TATDN1: variants seen among roughly 807,000 people sequenced by gnomAD.
TATDN1 encodes the protein deoxyribonuclease TATDN1.
A neutral mutation model predicts 46.4 loss-of-function variants in TATDN1; 40 were observed. The observed-to-expected ratio is 0.86, with a 90% confidence interval of 0.67 to 1.12. The LOEUF is 1.12. TATDN1 is among the 50% of genes most tolerant of loss of function. The probability of loss-of-function intolerance (pLI) is 0.00; values close to 1 mark genes in which losing one functional copy is unlikely to be tolerated. For missense variants in TATDN1, 326 were observed against 348.4 expected, an observed-to-expected ratio of 0.94 and a Z score of 0.51; for synonymous variants, 95 against 105.6, an observed-to-expected ratio of 0.90 and a Z score of 0.62.
At position 124,493,858 on chromosome 8, in the gene TATDN1, C is replaced by T; in HGVS notation, c.766G>A (p.Asp256Asn). 1 of 1,610,472 alleles carries T rather than the reference C, an allele frequency of 6.2e-7. No individual in the cohort carries two copies. The highest frequency in any genetic ancestry group is 2.2e-5 in the East Asian group (1 of 44,782). The change falls in exon 11 of 12, where the codon GAC becomes AAC. Residue 256 changes from aspartate to asparagine, a missense_variant. Asp to Asn is a conservative substitution (Grantham distance 23). Transcript: ENST00000276692. ...ATTATATGGCAGGGTTCATTTCTGT[C>T]TTTTAAGCAGTGCCCACTTTCCCAC... Reference protein sequence around the residue: ...KKWESGHCLKDRNEPCHIIQI... With the variant: ...KKWESGHCLKNRNEPCHIIQI...
chr8:124,504,419 C>A, intron 8 of TATDN1, 72 bp from the exon 9 acceptor site: 1 of 1,062,970 alleles, frequency 9.4e-7, no homozygotes. Flanking sequence ...ATTAATAAGA[C>A]TTTGTAGGCA....
chr8:124,535,667 T>C (rs955769006), intron 1 of TATDN1, among the ~76,000 whole-genome samples: 5 of 152,342 alleles, frequency 3.3e-5, no homozygotes, highest in Admixed American at 2.0e-4. Flanking sequence ...GGTGGTGTTA[T>C]GTGTGATTTG....
intron 8 of TATDN1, among the ~76,000 whole-genome samples, chr8:124,506,352 AAAAAG>A (rs1818427843): frequency 6.7e-6 from 1 of 148,694 alleles, no homozygotes; most frequent in African/African-American, 2.6e-5. Context: ...AAAAAAAAAA[AAAAAG>A]AAAAAGAAAA....
intron 9 of TATDN1, 133 bp from the exon 10 acceptor site, chr8:124,495,675 A>G: frequency 1.5e-6 from 1 of 652,672 alleles, no homozygotes; most frequent in Middle Eastern, 3.4e-4. Context: ...TACTTTGGAA[A>G]GTATTTGCAC....
intron 6 of TATDN1, among the ~76,000 whole-genome samples, chr8:124,513,801 T>C (rs1406788224): frequency 1.3e-5 from 2 of 152,216 alleles, no homozygotes; most frequent in African/African-American, 2.4e-5. Context: ...TCTATTAGAC[T>C]TACAAGGCTT....
intron 1 of TATDN1, 90 bp downstream of exon 1, chr8:124,538,935 G>A: frequency 1.3e-6 from 2 of 1,522,336 alleles, no homozygotes; most frequent in Non-Finnish European, 1.8e-6. Context: ...TACAATGCCG[G>A]AGGGCGCAAT....
intron 1 of TATDN1, among the ~76,000 whole-genome samples, chr8:124,530,778 C>T (rs1306287485): frequency 6.6e-6 from 1 of 152,126 alleles, no homozygotes; most frequent in Non-Finnish European, 1.5e-5. Flanking sequence ...TAGATAGAGG[C>T]AAATTATTAA....
chr8:124,493,336 CTGTT>C (rs1302500595), intron 11 of TATDN1, among the ~76,000 whole-genome samples: 1 of 152,178 alleles, frequency 6.6e-6, no homozygotes, highest in Non-Finnish European at 1.5e-5. Flanking sequence ...CCACCTTCTC[CTGTT>C]TGTTACCTTT....
chr8:124,518,701 C>G, intron 4 of TATDN1, 117 bp downstream of exon 4: 2 of 721,296 alleles, frequency 2.8e-6, no homozygotes, highest in South Asian at 3.4e-5. Flanking sequence ...TAAATCAGTC[C>G]ATTTTCCTAT....
At chr8:124,533,391 C>A (rs917195375) in intron 1 of TATDN1, among the ~76,000 whole-genome samples, 1 of 151,998 alleles carries the variant, frequency 6.6e-6, no homozygotes, top group African/African-American at 2.4e-5. Flanking sequence ...GTGCAAAGGG[C>A]CTAAATTGAA....
chr8:124,496,038 G>A (rs975551861), intron 9 of TATDN1, among the ~76,000 whole-genome samples: 18 of 152,194 alleles, frequency 1.2e-4, no homozygotes, highest in African/African-American at 3.9e-4. Context: ...GCCTGTGGCA[G>A]CCTCTATCAG....
Position 124,504,348 on chromosome 8 carries a change from C to T in TATDN1, c.517-1G>A. ...CCTTGGTACCATCAAATGAATGCAC[C>T]TGGGGACATACAGGTATAAGTTTAT... On this transcript the variant is annotated splice_acceptor_variant, in intron 8 of 11. Coordinates refer to ENST00000276692, the MANE Select transcript of TATDN1 (RefSeq NM_032026.4). LOFTEE classifies it high-confidence loss of function. The T allele has an allele frequency of 1.9e-6, 3 of 1,589,284 alleles. No homozygotes were observed. Among genetic ancestry groups the T allele is most frequent in the Non-Finnish European group, 2.6e-6 (3 of 1,167,978 alleles).
intron 6 of TATDN1, among the ~76,000 whole-genome samples, chr8:124,511,560 G>T (rs1007214008): frequency 1.3e-5 from 2 of 152,122 alleles, no homozygotes; most frequent in African/African-American, 4.8e-5. Flanking sequence ...GTAGCATAAG[G>T]CCAGGAAATT....
chr8:124,508,481 C>T lies in TATDN1; in HGVS notation c.509G>A (p.Gly170Glu), dbSNP rs1476267324. ...TGACTATTTTATACTTACCACTCCC[C>T]CTACACACCGATCTCTATTTCTTTT... ...IMKRNRDRCVGGVVHSFDGTK... is the reference protein window; with the variant it reads ...IMKRNRDRCVEGVVHSFDGTK... Residue 170 changes from glycine (G) to glutamate (E), a missense_variant, in exon 8 of 12, where the codon GGG becomes GAG. Transcript: ENST00000276692. 3 of 1,612,858 alleles carry T rather than the reference C, an allele frequency of 1.9e-6. No individual in the cohort carries two copies. Among genetic ancestry groups the T allele is most frequent in the African/African-American group, 1.3e-5 (1 of 74,858 alleles).
intron 1 of TATDN1, among the ~76,000 whole-genome samples, chr8:124,533,409 CAT>C (rs1170311318): frequency 2.0e-5 from 3 of 152,094 alleles, no homozygotes; most frequent in Non-Finnish European, 2.9e-5. Context: ...GAATGAGAAA[CAT>C]ATACAACGAG....
chr8:124,534,588 G>A (rs1186309978), intron 1 of TATDN1, among the ~76,000 whole-genome samples: 1 of 152,200 alleles, frequency 6.6e-6, no homozygotes, highest in Non-Finnish European at 1.5e-5. Context: ...AAAGTGCTTG[G>A]ATTACAGGCG....
rs371166985 is a variant in TATDN1 at position 124,494,073 on chromosome 8, GCA to G, written c.665-116_665-115del. ...AAACCGTGATTCAGCTTCCAAAATG[GCA>G]CAGTTATTTCAACAGAAAACAGTTC... On this transcript the variant is annotated intron_variant, in intron 10 of 11. Coordinates refer to ENST00000276692, the MANE Select transcript of TATDN1 (RefSeq NM_032026.4). 101 of 1,021,732 alleles carry G rather than the reference GCA, an allele frequency of 9.9e-5. 1 individual carries two copies. Among genetic ancestry groups the G allele is most frequent in the African/African-American group, 1.5e-4 (9 of 60,840 alleles). The allele number at this position is 1,021,732 out of a possible 1,614,324, so 63.3% of individuals were successfully genotyped here.
At chr8:124,509,630 C>A (rs1563663514) in intron 6 of TATDN1, among the ~76,000 whole-genome samples, 2 of 152,164 alleles carry the variant, frequency 1.3e-5, no homozygotes. Flanking sequence ...TAACTTAAGC[C>A]TCTCTTGCTA....
intron 11 of TATDN1, among the ~76,000 whole-genome samples, chr8:124,492,134 C>T (rs1036236697): frequency 6.6e-6 from 1 of 152,128 alleles, no homozygotes. Flanking sequence ...GCCATGACGC[C>T]TGGCTAATTT....
Sources: gnomAD v4.1 joint callset for allele counts (sites outside exome capture counted in the v4.1 genomes callset) on GRCh38, gnomAD v4.1.1 for gene constraint, MANE v1.5 for transcripts, NCBI Gene and HGNC (gene_info 2026-07-23, HGNC 2026-07-21) for gene names.